The following VPS53 variants were observed in gnomAD, a reference collection of about 807,000 sequenced individuals.
VPS53 encodes vacuolar protein sorting-associated protein 53 homolog.
In VPS53, 70 loss-of-function variants were observed where a neutral mutation model predicts 107.0. The observed-to-expected ratio is 0.65, with a 90% CI of 0.54 to 0.80. The LOEUF (loss-of-function observed/expected upper bound fraction) is 0.80. Ranked by LOEUF, VPS53 falls within the 30% of genes least tolerant of loss-of-function variation. The pLI is 0.00. For synonymous variants in VPS53, 409 were observed against 393.3 expected (o/e 1.04, Z -0.47); for missense variants, 917 against 1,049.4 (o/e 0.87, Z 1.74).
intron 11 of VPS53, among the ~76,000 whole-genome samples, chr17:603,460 G>T (rs569917570): frequency 9.2e-5 from 14 of 152,294 alleles, no homozygotes; most frequent in African/African-American, 3.4e-4. Context: ...TTGCACAAAA[G>T]CACTACACCT....
At chr17:685,029 C>T (rs571327609) in intron 4 of VPS53, 2 of 152,218 alleles carry the variant, frequency 1.3e-5, no homozygotes, top group South Asian at 4.1e-4. Flanking sequence ...GAAAACAGAT[C>T]CCAATACCTG....
At chr17:705,922 T>C (rs1475540167) in intron 2 of VPS53, 1 of 152,150 alleles carries the variant, frequency 6.6e-6, no homozygotes, top group Non-Finnish European at 1.5e-5. Context: ...ATTATTAACT[T>C]GGCCTGTAGT....
intron 13 of VPS53, among the ~76,000 whole-genome samples, chr17:570,283 T>TTGCTTGAG (rs1159832138): frequency 6.8e-6 from 1 of 146,470 alleles, no homozygotes; most frequent in Non-Finnish European, 1.5e-5. Flanking sequence ...GGCAGGAGAA[T>TTGCTTGAG]TGCTTGAGCC....
intron 4 of VPS53, among the ~76,000 whole-genome samples, chr17:686,007 TA>T (rs560067921): frequency 2.0e-4 from 29 of 143,954 alleles, no homozygotes; most frequent in South Asian, 6.6e-4. Flanking sequence ...ACCCTGTCTC[TA>T]AAAAAAAAAA....
chr17:619,276 C>G (rs1455441754), intron 11 of VPS53, among the ~76,000 whole-genome samples: 1 of 149,822 alleles, frequency 6.7e-6, no homozygotes, highest in African/African-American at 2.5e-5. Context: ...GTGTGCACCA[C>G]CACACCTGCT....
chr17:532,987 C>A, intron 18 of VPS53, 76 bp from the exon 19 acceptor site: 1 of 1,538,296 alleles, frequency 6.5e-7, no homozygotes, highest in East Asian at 2.3e-5. Flanking sequence ...TAAGGTTCCA[C>A]GTATCTCCAT....
At chr17:532,771 G>A in intron 19 of VPS53, 71 bp downstream of exon 19, 1 of 1,591,628 alleles carries the variant, frequency 6.3e-7, no homozygotes, top group Non-Finnish European at 8.6e-7. Context: ...AGTAGATCTG[G>A]ACTAGAAGAA....
At chr17:597,464 G>A (rs1006823546) in intron 12 of VPS53, among the ~76,000 whole-genome samples, 1 of 152,200 alleles carries the variant, frequency 6.6e-6, no homozygotes, top group Non-Finnish European at 1.5e-5. Flanking sequence ...GTGGGTGGAG[G>A]CATTAGTCAC....
chr17:557,855 CTTTT>C lies in VPS53; in HGVS notation c.1704+2567_1704+2570del, dbSNP rs773408955. Among the ~76,000 whole-genome samples the C allele has an allele frequency of 3.8e-3, 476 of 125,588 alleles. 1 individual carries two copies. Among genetic ancestry groups the C allele is most frequent in the Non-Finnish European group, 6.4e-3 (376 of 58,450 alleles). The allele number at this position is 125,588 out of a possible 152,430, so 82.4% of individuals were successfully genotyped here. ...GAAAGACATTCTTTGTAAGGATTAT[CTTTT>C]TTTTTTTTTTTTTTTTTAGAGACAG... On this transcript the variant is annotated intron_variant, in intron 15 of 21. Coordinates refer to ENST00000437048, the MANE Select transcript of VPS53 (RefSeq NM_001128159.3).
At chr17:530,068 T>C (rs370596514) in intron 19 of VPS53, among the ~76,000 whole-genome samples, 1 of 152,008 alleles carries the variant, frequency 6.6e-6, no homozygotes, top group Non-Finnish European at 1.5e-5. Flanking sequence ...CATTTTTAAA[T>C]TGTTTGCTGC....
rs181813081 is a variant in VPS53 at position 538,728 on chromosome 17, T to C, written c.1867-1552A>G. ...CAAGGCCCAGAAACATGAAGAGTCT[T>C]ATGCAAGGTTTCATAACCAGGCTCC... is the stretch of plus-strand genomic sequence containing the variant. On this transcript the variant is annotated intron_variant, in intron 17 of 21. Coordinates refer to ENST00000437048, the MANE Select transcript of VPS53 (RefSeq NM_001128159.3). 18 of 152,330 alleles carry C rather than the reference T, an allele frequency of 1.2e-4. No homozygotes were observed. The East Asian group carries it at 2.7e-3, about 23-fold the overall frequency. 9.4% of individuals were successfully genotyped at this position (152,330 alleles called of 1,614,324 possible). A position where few individuals can be genotyped will look rare whatever the true frequency, so the allele number is the denominator to read the frequency against.
chr17:608,175 C>T (rs1279699698), intron 11 of VPS53, among the ~76,000 whole-genome samples: 1 of 152,184 alleles, frequency 6.6e-6, no homozygotes, highest in Non-Finnish European at 1.5e-5. Flanking sequence ...ACTTGGTGTC[C>T]ACCATTTCTG....
intron 11 of VPS53, among the ~76,000 whole-genome samples, chr17:609,486 C>CAT (rs563405733): frequency 2.2e-3 from 330 of 152,268 alleles, no homozygotes; most frequent in African/African-American, 7.5e-3. Flanking sequence ...TTCCCTTGGG[C>CAT]ATATACTTAG....
Position 672,444 on chromosome 17 carries a change from A to T in VPS53, c.286-10549T>A, listed in dbSNP as rs1191158370. On this transcript the variant is annotated intron_variant, in intron 4 of 21. Coordinates refer to ENST00000437048, the MANE Select transcript of VPS53 (RefSeq NM_001128159.3). ...CACAGAAAGTGCTCACTTAATGGCA[A>T]CTATTAGTATTCCCACATCTCCTAG... Among the ~76,000 whole-genome samples, 5 of 152,176 alleles carry T rather than the reference A, an allele frequency of 3.3e-5. No homozygotes were observed. In the East Asian group the frequency reaches 9.6e-4, roughly 29 times the overall value.
intron 14 of VPS53, 81 bp from the exon 15 acceptor site, chr17:560,654 C>T: frequency 2.6e-6 from 4 of 1,521,072 alleles, no homozygotes; most frequent in Admixed American, 1.9e-5. Context: ...TTTTAAGATA[C>T]AGAAAAGGGG....
chr17:618,295 C>G (rs28848504), intron 11 of VPS53, among the ~76,000 whole-genome samples: 27 of 89,414 alleles, frequency 3.0e-4, no homozygotes, highest in African/African-American at 8.9e-4. Flanking sequence ...GGACTACAGG[C>G]GTGCGCCACC....
chr17:588,864 G>A (rs1250033157), intron 12 of VPS53, among the ~76,000 whole-genome samples: 1 of 152,106 alleles, frequency 6.6e-6, no homozygotes, highest in Non-Finnish European at 1.5e-5. Flanking sequence ...TGGAGGATGA[G>A]GATTGTGAGG....
intron 4 of VPS53, among the ~76,000 whole-genome samples, chr17:667,085 G>A (rs1971721606): frequency 6.6e-6 from 1 of 152,214 alleles, no homozygotes; most frequent in African/African-American, 2.4e-5. Flanking sequence ...GCTGAAGCCA[G>A]TCTGCCACGT....
intron 4 of VPS53, among the ~76,000 whole-genome samples, chr17:673,250 A>C (rs193274699): frequency 6.7e-4 from 102 of 152,224 alleles, no homozygotes; most frequent in African/African-American, 2.2e-3. Context: ...CACCACATCC[A>C]CTGAGGGTGG....
Sources: allele counts gnomAD v4.1 joint callset (sites outside exome capture counted in the v4.1 genomes callset), GRCh38; gene constraint gnomAD v4.1.1; transcripts MANE v1.5; gene names NCBI Gene and HGNC (gene_info 2026-07-23, HGNC 2026-07-21).